The following RBFOX1 variants were observed in gnomAD, a reference collection of about 807,000 sequenced individuals.
RBFOX1 encodes RNA binding protein fox-1 homolog 1.
In RBFOX1, 8 loss-of-function variants were observed where a neutral mutation model predicts 57.7. That is an observed-to-expected ratio of 0.14 (90% CI 0.08 to 0.25). The LOEUF (loss-of-function observed/expected upper bound fraction) is 0.25, where lower values mean the gene tolerates loss of function less well. Among genes scored for constraint, RBFOX1 ranks in the 10% least tolerant of loss-of-function variants. The probability of loss-of-function intolerance (pLI) is 1.00; values close to 1 mark genes in which losing one functional copy is unlikely to be tolerated. For synonymous variants in RBFOX1, 326 were observed against 222.4 expected, an observed-to-expected ratio of 1.47 and a Z score of -4.15; for missense variants, 611 against 548.5, an observed-to-expected ratio of 1.11 and a Z score of -1.14.
intron 2 of RBFOX1, among the ~76,000 whole-genome samples, chr16:6,433,957 C>T (rs1266586002): frequency 1.3e-5 from 2 of 151,634 alleles, no homozygotes; most frequent in Non-Finnish European, 2.9e-5. Flanking sequence ...AAGCAATTTC[C>T]ATGCCTCATC....
chr16:5,312,434 T>G (rs2151224446), intron 1 of RBFOX1, among the ~76,000 whole-genome samples: 1 of 152,328 alleles, frequency 6.6e-6, no homozygotes, highest in East Asian at 1.9e-4. Context: ...TTCTCCTGCC[T>G]CAGCCTCCTG....
At chr16:7,152,636 A>G (rs2076315027) in intron 4 of RBFOX1, among the ~76,000 whole-genome samples, 1 of 152,078 alleles carries the variant, frequency 6.6e-6, no homozygotes, top group Non-Finnish European at 1.5e-5. Flanking sequence ...GAAAGATGTG[A>G]GTCTGGTATG....
chr16:7,653,797 T>A lies in RBFOX1; in HGVS notation c.758-18T>A. 1 of 1,607,622 alleles carries A rather than the reference T, an allele frequency of 6.2e-7. No homozygotes were observed. The highest frequency in any genetic ancestry group is 8.5e-7 in the Non-Finnish European group (1 of 1,179,446). ...TGACAGCCTGTGCTCTCTCTCTCTC[T>A]CTCCTCTTGCCCCGCAGTGCCAGGC... On this transcript the variant is annotated intron_variant, in intron 11 of 15. Coordinates refer to ENST00000550418, the MANE Select transcript of RBFOX1 (RefSeq NM_018723.4).
intron 4 of RBFOX1, among the ~76,000 whole-genome samples, chr16:7,372,836 A>G (rs2097593585): frequency 6.6e-6 from 1 of 152,080 alleles, no homozygotes; most frequent in Non-Finnish European, 1.5e-5. Context: ...GAGAGAAGTT[A>G]TACTCAAATA....
intron 1 of RBFOX1, among the ~76,000 whole-genome samples, chr16:5,458,453 A>G (rs1191216997): frequency 6.6e-6 from 1 of 152,252 alleles, no homozygotes; most frequent in Non-Finnish European, 1.5e-5. Context: ...GGGAAGCTAT[A>G]TAATGTATTG....
intron 6 of RBFOX1, among the ~76,000 whole-genome samples, chr16:7,581,529 C>G (rs936345999): frequency 6.6e-6 from 1 of 152,094 alleles, no homozygotes; most frequent in Non-Finnish European, 1.5e-5. Context: ...TGGTGTCACT[C>G]AGTTATCGTG....
chr16:5,728,498 G>T (rs2052237681), intron 3 of RBFOX1, among the ~76,000 whole-genome samples: 1 of 152,160 alleles, frequency 6.6e-6, no homozygotes, highest in Non-Finnish European at 1.5e-5. Context: ...GAGGGCTGTG[G>T]GAGCAAATGC....
chr16:7,602,566 G>C (rs1430855622), intron 9 of RBFOX1, among the ~76,000 whole-genome samples: 3 of 152,158 alleles, frequency 2.0e-5, no homozygotes, highest in African/African-American at 7.2e-5. Flanking sequence ...GACAGTGCAG[G>C]CTCTTATCTC....
At chr16:6,645,076 C>T (rs2098522993) in intron 2 of RBFOX1, among the ~76,000 whole-genome samples, 1 of 152,178 alleles carries the variant, frequency 6.6e-6, no homozygotes, top group Non-Finnish European at 1.5e-5. Context: ...TTCATCTTTG[C>T]CTCTTCCAGT....
intron 4 of RBFOX1, among the ~76,000 whole-genome samples, chr16:7,181,841 G>A (rs2082774024): frequency 6.6e-6 from 1 of 152,154 alleles, no homozygotes. Flanking sequence ...GATTAAAGGT[G>A]TGAGACACCA....
At chr16:6,891,729 C>T (rs1022605728) in intron 3 of RBFOX1, among the ~76,000 whole-genome samples, 5 of 152,150 alleles carry the variant, frequency 3.3e-5, no homozygotes, top group Admixed American at 1.3e-4. Flanking sequence ...ACGTGGAACG[C>T]AGCACTCCAT....
intron 3 of RBFOX1, among the ~76,000 whole-genome samples, chr16:5,725,403 C>T (rs1268200825): frequency 6.6e-6 from 1 of 151,964 alleles, no homozygotes; most frequent in African/African-American, 2.4e-5. Context: ...ACCACTGCCC[C>T]CAGCTAATTG....
chr16:6,673,673 C>T (rs2098782256), intron 3 of RBFOX1, among the ~76,000 whole-genome samples: 1 of 152,094 alleles, frequency 6.6e-6, no homozygotes, highest in East Asian at 1.9e-4. Flanking sequence ...GGGTGGAGGA[C>T]CAGCTTCATG....
At chr16:7,153,169 G>A (rs1014188051) in intron 4 of RBFOX1, among the ~76,000 whole-genome samples, 23 of 150,240 alleles carry the variant, frequency 1.5e-4, no homozygotes, top group African/African-American at 4.0e-4. Context: ...TTATGAATCC[G>A]TCTGTGTCAC....
chr16:6,058,438 G>T (rs1385698589), intron 1 of RBFOX1, among the ~76,000 whole-genome samples: 4 of 151,974 alleles, frequency 2.6e-5, no homozygotes, highest in Admixed American at 6.6e-5. Context: ...CCGTGTCATT[G>T]TTTATGCTGG....
chr16:6,728,321 C>A (rs145953763), intron 3 of RBFOX1, among the ~76,000 whole-genome samples: 50 of 152,234 alleles, frequency 3.3e-4, no homozygotes, highest in African/African-American at 1.2e-3. Context: ...TAGTGAAAAA[C>A]GTAACTTGAG....
chr16:7,133,989 A>G (rs17559799), intron 4 of RBFOX1, among the ~76,000 whole-genome samples: 6,290 of 152,316 alleles, frequency 0.041, 167 homozygotes, highest in Middle Eastern at 0.085. Flanking sequence ...GCGGCATTCA[A>G]TTCTAAGCCT....
intron 5 of RBFOX1, among the ~76,000 whole-genome samples, chr16:7,526,159 C>G (rs113249117): frequency 2.0e-5 from 3 of 152,342 alleles, no homozygotes; most frequent in African/African-American, 7.2e-5. Context: ...TTATGAGAAT[C>G]TAATGCTTGA....
chr16:7,007,327 C>A (rs184472339), intron 3 of RBFOX1, among the ~76,000 whole-genome samples: 35 of 152,296 alleles, frequency 2.3e-4, no homozygotes, highest in African/African-American at 7.9e-4. Flanking sequence ...TCCTTGAAAT[C>A]TCATTGACTT....
Sources: gnomAD v4.1 joint callset for allele counts (sites outside exome capture counted in the v4.1 genomes callset) on GRCh38, gnomAD v4.1.1 for gene constraint, MANE v1.5 for transcripts, NCBI Gene and HGNC (gene_info 2026-07-23, HGNC 2026-07-21) for gene names.